Variants in NAALADL2 observed in about 807,000 individuals in gnomAD.
The protein encoded by NAALADL2 is N-acetylated alpha-linked acidic dipeptidase like 2.
In NAALADL2, 76 loss-of-function variants were observed where a neutral mutation model predicts 87.2. The observed-to-expected ratio is 0.87, with a 90% CI of 0.72 to 1.05. The LOEUF (loss-of-function observed/expected upper bound fraction) is 1.05, where lower values mean the gene tolerates loss of function less well. Ranked by LOEUF, NAALADL2 falls within the 50% of genes least tolerant of loss-of-function variation. NAALADL2 has a pLI of 0.00. For missense variants in NAALADL2, 1,089 were observed against 945.8 expected, an observed-to-expected ratio of 1.15 and a Z score of -1.99; for synonymous variants, 354 against 331.0, an observed-to-expected ratio of 1.07 and a Z score of -0.75.
intron 2 of NAALADL2, among the ~76,000 whole-genome samples, chr3:174,700,103 T>C (rs990475668): frequency 2.1e-5 from 3 of 143,040 alleles, no homozygotes; most frequent in African/African-American, 5.5e-5. Flanking sequence ...TCTGAAAGCA[T>C]TGATCTGAAA....
chr3:174,919,374 G>T (rs1734835826), intron 1 of NAALADL2, among the ~76,000 whole-genome samples: 1 of 152,158 alleles, frequency 6.6e-6, no homozygotes, highest in Admixed American at 6.6e-5. Context: ...TTAAGTTTAT[G>T]TAATATTCTA....
chr3:174,874,538 G>A (rs150942128), intron 1 of NAALADL2, among the ~76,000 whole-genome samples: 1 of 152,166 alleles, frequency 6.6e-6, no homozygotes, highest in Non-Finnish European at 1.5e-5. Context: ...GACATGTCAT[G>A]GCAAGTATTG....
intron 1 of NAALADL2, among the ~76,000 whole-genome samples, chr3:174,537,014 A>T (rs539535219): frequency 2.0e-5 from 3 of 152,346 alleles, no homozygotes; most frequent in Non-Finnish European, 4.4e-5. Context: ...GTCTAAATTT[A>T]TCTTGAATAA....
intron 5 of NAALADL2, among the ~76,000 whole-genome samples, chr3:175,370,030 T>C (rs532533009): frequency 1.3e-5 from 2 of 152,138 alleles, no homozygotes; most frequent in Non-Finnish European, 2.9e-5. Flanking sequence ...TTTAATATTG[T>C]CACATGTCAT....
At chr3:174,653,350 CT>C (rs1008702107) in intron 2 of NAALADL2, among the ~76,000 whole-genome samples, 20 of 152,148 alleles carry the variant, frequency 1.3e-4, no homozygotes, top group Admixed American at 9.8e-4. Flanking sequence ...ACAAGTGCTT[CT>C]TTTTTTGTGT....
chr3:175,780,149 A>G (rs897332150), intron 13 of NAALADL2, among the ~76,000 whole-genome samples: 1 of 151,210 alleles, frequency 6.6e-6, no homozygotes, highest in Non-Finnish European at 1.5e-5. Context: ...GGTGGTGGGC[A>G]CCTGTAGTCC....
intron 5 of NAALADL2, among the ~76,000 whole-genome samples, chr3:175,352,036 A>C (rs1256759591): frequency 1.3e-5 from 2 of 152,108 alleles, no homozygotes; most frequent in Non-Finnish European, 2.9e-5. Context: ...GTTGATGCTC[A>C]CAGTGACACG....
intron 2 of NAALADL2, among the ~76,000 whole-genome samples, chr3:175,135,356 C>T (rs182351088): frequency 6.0e-4 from 91 of 152,158 alleles, no homozygotes; most frequent in African/African-American, 1.3e-3. Flanking sequence ...TTTCTTCATA[C>T]GGTAATAAAA....
intron 3 of NAALADL2, among the ~76,000 whole-genome samples, chr3:174,769,743 A>G (rs1714291079): frequency 6.6e-6 from 1 of 151,386 alleles, no homozygotes; most frequent in Non-Finnish European, 1.5e-5. Context: ...CACACTTTTG[A>G]AAACAATTAA....
intron 2 of NAALADL2, among the ~76,000 whole-genome samples, chr3:175,193,830 A>T (rs554232979): frequency 6.6e-6 from 1 of 152,060 alleles, no homozygotes; most frequent in Admixed American, 6.6e-5. Context: ...CTGGACGTTA[A>T]GCAAAAGTTT....
At chr3:174,637,395 A>T (rs1471975431) in intron 2 of NAALADL2, among the ~76,000 whole-genome samples, 1 of 152,102 alleles carries the variant, frequency 6.6e-6, no homozygotes, top group Admixed American at 6.5e-5. Context: ...TCCTCAATGA[A>T]TACTTATGCA....
intron 2 of NAALADL2, among the ~76,000 whole-genome samples, chr3:174,631,469 C>T (rs775852843): frequency 5.3e-4 from 80 of 152,160 alleles, no homozygotes; most frequent in Non-Finnish European, 1.6e-4. Context: ...AAAATGCATT[C>T]TTCCCATCAA....
intron 2 of NAALADL2, among the ~76,000 whole-genome samples, chr3:175,189,161 A>G (rs944413276): frequency 6.6e-6 from 1 of 152,166 alleles, no homozygotes; most frequent in Non-Finnish European, 1.5e-5. Context: ...AAGCCCTTCT[A>G]TTAAGATCAA....
chr3:175,435,116 A>G (rs1355829056), intron 5 of NAALADL2, among the ~76,000 whole-genome samples: 1 of 152,048 alleles, frequency 6.6e-6, no homozygotes, highest in Non-Finnish European at 1.5e-5. Flanking sequence ...TCTAAATATT[A>G]CCACTGCTGC....
chr3:174,808,853 GGTGTATGTGTAT>G (rs59689653), intron 3 of NAALADL2, among the ~76,000 whole-genome samples: 125 of 151,406 alleles, frequency 8.3e-4, no homozygotes, highest in African/African-American at 2.8e-3. Context: ...GGTGGTGCCT[GGTGTATGTGTAT>G]GTGTATGTGT....
At chr3:174,577,886 C>T in intron 2 of NAALADL2, among the ~76,000 whole-genome samples, 1 of 151,912 alleles carries the variant, frequency 6.6e-6, no homozygotes, top group Non-Finnish European at 1.5e-5. Flanking sequence ...TAAAGAAAAA[C>T]ATGGTTCTGA....
chr3:175,702,475 A>C (rs1261774926), intron 11 of NAALADL2, among the ~76,000 whole-genome samples: 1 of 152,190 alleles, frequency 6.6e-6, no homozygotes, highest in Non-Finnish European at 1.5e-5. Context: ...AAGACAGAAA[A>C]AAAAACTAAA....
intron 11 of NAALADL2, among the ~76,000 whole-genome samples, chr3:175,731,842 T>C (rs781482417): frequency 2.6e-5 from 4 of 152,160 alleles, no homozygotes; most frequent in Non-Finnish European, 5.9e-5. Flanking sequence ...CCCTCCTCCT[T>C]TTTCTTTTTT....
intron 5 of NAALADL2, among the ~76,000 whole-genome samples, chr3:175,359,638 A>T (rs2148903094): frequency 6.6e-6 from 1 of 152,218 alleles, no homozygotes; most frequent in Middle Eastern, 3.4e-3. Context: ...CCAACTTTTT[A>T]TTTATGAGTA....
Sources: gnomAD v4.1 joint callset for allele counts (sites outside exome capture counted in the v4.1 genomes callset) on GRCh38, gnomAD v4.1.1 for gene constraint, MANE v1.5 for transcripts, NCBI Gene and HGNC (gene_info 2026-07-23, HGNC 2026-07-21) for gene names.